Variants in CYP7B1 observed in about 807,000 individuals in gnomAD.
CYP7B1 encodes cytochrome P450 7B1.
A neutral mutation model predicts 42.7 loss-of-function variants in CYP7B1; 29 were observed. The observed-to-expected ratio is 0.68, with a 90% CI of 0.51 to 0.93. The LOEUF is 0.93. Ranked by LOEUF, CYP7B1 falls within the 40% of genes least tolerant of loss-of-function variation. The probability of loss-of-function intolerance (pLI) is 0.00; values close to 1 mark genes in which losing one functional copy is unlikely to be tolerated. For missense variants in CYP7B1, 655 were observed against 600.5 expected, an observed-to-expected ratio of 1.09 and a Z score of -0.95; for synonymous variants, 235 against 218.2, an observed-to-expected ratio of 1.08 and a Z score of -0.68.
At position 64,740,641 on chromosome 8, in the gene CYP7B1, T is replaced by C. The variant is rs1283954095; in HGVS notation, c.122+57825A>G. ...AAAAAAAAAACAGAGAAGATATAACTTGCCAATATTAGAAATGAAAGAGGG... is the reference window on the plus strand; with the variant it reads ...AAAAAAAAAACAGAGAAGATATAACCTGCCAATATTAGAAATGAAAGAGGG... On this transcript the variant is annotated intron_variant, in intron 1 of 5. Coordinates refer to ENST00000310193, the MANE Select transcript of CYP7B1 (RefSeq NM_004820.5). Among the ~76,000 whole-genome samples the C allele has an allele frequency of 2.0e-5, 3 of 151,796 alleles. No homozygotes were observed. In the East Asian group the frequency reaches 5.8e-4, roughly 29 times the overall value.
chr8:64,660,241 C>T (rs1806181926), intron 1 of CYP7B1, among the ~76,000 whole-genome samples: 1 of 152,204 alleles, frequency 6.6e-6, no homozygotes. Flanking sequence ...TTCATATATA[C>T]ATTATGATTC....
At position 64,592,785 on chromosome 8, in the gene CYP7B1, A is replaced by T. The variant is rs77380756; in HGVS notation, c.*3857T>A. 6.6e-6 allele frequency among the ~76,000 whole-genome samples: 1 copy of T among 152,298 alleles called. No individual in the cohort carries two copies. The highest frequency in any genetic ancestry group is 1.9e-4 in the East Asian group (1 of 5,182). On this transcript the variant is annotated 3_prime_UTR_variant, in exon 6 of 6. Coordinates refer to ENST00000310193, the MANE Select transcript of CYP7B1 (RefSeq NM_004820.5). The stretch of plus-strand genomic sequence containing the variant: ...AAGGGCCTTATTATTTTATTTTTCA[A>T]ATGAGGACGTTGAAGCTCTGAGACG...
intron 1 of CYP7B1, among the ~76,000 whole-genome samples, chr8:64,772,671 C>T (rs1486155192): frequency 1.3e-5 from 2 of 152,178 alleles, no homozygotes; most frequent in Non-Finnish European, 2.9e-5. Context: ...CTGGCTTCTA[C>T]CCTGTCTACT....
chr8:64,755,070 A>C (rs1014463282), intron 1 of CYP7B1, among the ~76,000 whole-genome samples: 1 of 152,186 alleles, frequency 6.6e-6, no homozygotes, highest in Non-Finnish European at 1.5e-5. Flanking sequence ...CCAGAGGGGA[A>C]ATAAATTGGC....
intron 1 of CYP7B1, among the ~76,000 whole-genome samples, chr8:64,658,165 C>T (rs553527742): frequency 6.6e-5 from 10 of 152,206 alleles, no homozygotes; most frequent in East Asian, 3.9e-4. Flanking sequence ...CTTATAGATT[C>T]GAATTTCAAG....
chr8:64,740,472 G>C (rs976607005), intron 1 of CYP7B1, among the ~76,000 whole-genome samples: 11 of 151,458 alleles, frequency 7.3e-5, no homozygotes, highest in Non-Finnish European at 1.5e-4. Flanking sequence ...CATAAAGCAA[G>C]CAGAAGAAAT....
At position 64,592,041 on chromosome 8, in the gene CYP7B1, G is replaced by A. The variant is rs1221697085; in HGVS notation, c.*4601C>T. On this transcript the variant is annotated 3_prime_UTR_variant, in exon 6 of 6. Transcript: ENST00000310193. ...CGTCTCCACTAAAAATACAAAAGTT[G>A]GTCAGGCATAGTGGTGGGTGCCTGT... Among the ~76,000 whole-genome samples, 1 of 151,810 alleles carries A rather than the reference G, an allele frequency of 6.6e-6. No individual in the cohort carries two copies. The highest frequency in any genetic ancestry group is 1.5e-5 in the Non-Finnish European group (1 of 67,966).
chr8:64,723,322 A>G (rs1807273721), intron 1 of CYP7B1, among the ~76,000 whole-genome samples: 1 of 152,240 alleles, frequency 6.6e-6, no homozygotes, highest in African/African-American at 2.4e-5. Context: ...AACTCCTATC[A>G]TTCTATAATG....
At chr8:64,724,852 A>G (rs1355834062) in intron 1 of CYP7B1, among the ~76,000 whole-genome samples, 1 of 152,190 alleles carries the variant, frequency 6.6e-6, no homozygotes, top group Non-Finnish European at 1.5e-5. Context: ...CTCTTCCCCA[A>G]GGCAGTTCCC....
intron 1 of CYP7B1, among the ~76,000 whole-genome samples, chr8:64,736,223 A>T (rs536723347): frequency 6.6e-6 from 1 of 152,252 alleles, no homozygotes; most frequent in African/African-American, 2.4e-5. Flanking sequence ...TATAAATCCC[A>T]AATCAGTCAC....
intron 1 of CYP7B1, among the ~76,000 whole-genome samples, chr8:64,796,726 GA>G (rs1188999248): frequency 6.6e-6 from 1 of 152,108 alleles, no homozygotes; most frequent in Non-Finnish European, 1.5e-5. Context: ...ACTGACATAG[GA>G]AGGGATCTAA....
intron 1 of CYP7B1, among the ~76,000 whole-genome samples, chr8:64,629,354 T>C (rs1440043939): frequency 1.3e-5 from 2 of 152,116 alleles, no homozygotes; most frequent in Non-Finnish European, 2.9e-5. Flanking sequence ...AATAACCTCC[T>C]AAGTAGGTGG....
intron 1 of CYP7B1, among the ~76,000 whole-genome samples, chr8:64,688,559 C>T (rs1237255403): frequency 6.6e-6 from 1 of 152,188 alleles, no homozygotes; most frequent in Non-Finnish European, 1.5e-5. Flanking sequence ...CCCCTATAAG[C>T]TTTCAGAAGT....
chr8:64,749,135 C>A (rs1465497630), intron 1 of CYP7B1, among the ~76,000 whole-genome samples: 1 of 151,552 alleles, frequency 6.6e-6, no homozygotes, highest in African/African-American at 2.4e-5. Flanking sequence ...AGCTGGAGTG[C>A]AGTGGTGTGA....
intron 1 of CYP7B1, among the ~76,000 whole-genome samples, chr8:64,791,119 T>G (rs1435232495): frequency 1.3e-5 from 2 of 152,170 alleles, no homozygotes; most frequent in Non-Finnish European, 2.9e-5. Flanking sequence ...AGCAACCCAG[T>G]AAACACCTTG....
intron 1 of CYP7B1, among the ~76,000 whole-genome samples, chr8:64,716,388 T>C (rs117602542): frequency 6.6e-6 from 1 of 152,270 alleles, no homozygotes; most frequent in Non-Finnish European, 1.5e-5. Flanking sequence ...TAAACATTTA[T>C]GGAAAATACT....
Position 64,663,264 on chromosome 8 carries a change from A to G in CYP7B1, c.123-38725T>C, listed in dbSNP as rs568397606. Among the ~76,000 whole-genome samples the G allele has an allele frequency of 5.9e-5, 9 of 152,336 alleles. No homozygotes were observed. The East Asian group carries it at 7.7e-4, about 13-fold the overall frequency. ...TATAATAGACAGTGAGGAATCATAT[A>G]TTGATTCATTTTGGTCAACTAATTA... On this transcript the variant is annotated intron_variant, in intron 1 of 5. Transcript: ENST00000310193.
intron 1 of CYP7B1, among the ~76,000 whole-genome samples, chr8:64,778,337 T>C (rs1387903296): frequency 1.3e-5 from 2 of 151,918 alleles, no homozygotes; most frequent in African/African-American, 4.8e-5. Flanking sequence ...GGACAAAGTT[T>C]TGCATTCTGT....
intron 1 of CYP7B1, among the ~76,000 whole-genome samples, chr8:64,715,799 T>C (rs1452751692): frequency 6.6e-6 from 1 of 152,238 alleles, no homozygotes; most frequent in Non-Finnish European, 1.5e-5. Flanking sequence ...CTGAATCTTT[T>C]AGTTCTTAAC....
Sources: allele counts gnomAD v4.1 joint callset (sites outside exome capture counted in the v4.1 genomes callset), GRCh38; gene constraint gnomAD v4.1.1; transcripts MANE v1.5; gene names NCBI Gene and HGNC (gene_info 2026-07-23, HGNC 2026-07-21).